CHRM3: variants seen among roughly 807,000 people sequenced by gnomAD.
CHRM3 encodes muscarinic acetylcholine receptor M3.
A neutral mutation model predicts 41.8 loss-of-function variants in CHRM3; 11 were observed. That is an observed-to-expected ratio of 0.26 (90% CI 0.17 to 0.44). The LOEUF is 0.44. Ranked by LOEUF, CHRM3 falls within the 20% of genes least tolerant of loss-of-function variation. The pLI, the probability that CHRM3 is intolerant of heterozygous loss-of-function variation, is 1.00. For synonymous variants in CHRM3, 297 were observed against 301.4 expected (o/e 0.99, Z 0.15); for missense variants, 571 against 745.4 (o/e 0.77, Z 2.72).
rs572260775 is a variant in CHRM3 at position 239,912,028 on chromosome 1, T to C, written c.*2804T>C. On this transcript the variant is annotated 3_prime_UTR_variant, in exon 7 of 7. Transcript: ENST00000676153. Reference sequence around the variant, plus strand: ...ATCCCAAATTGGGAATCGAATTATTTCATGCCATATGCATGAGGTTTGCAG... The same window carrying C: ...ATCCCAAATTGGGAATCGAATTATTCCATGCCATATGCATGAGGTTTGCAG... 6.0e-6 allele frequency: 1 copy of C among 167,240 alleles called. No homozygotes were observed. The highest frequency in any genetic ancestry group is 2.4e-5 in the African/African-American group (1 of 41,590). The allele number at this position is 167,240 out of a possible 1,614,324, so 10.4% of individuals were successfully genotyped here.
At chr1:239,467,364 C>T (rs185495927) in intron 1 of CHRM3, among the ~76,000 whole-genome samples, 93 of 152,138 alleles carry the variant, frequency 6.1e-4, no homozygotes, top group African/African-American at 2.1e-3. Context: ...TGCACTGGTG[C>T]GATCTCAGTT....
At chr1:239,665,956 TA>T (rs1291991058) in intron 4 of CHRM3, among the ~76,000 whole-genome samples, 2 of 152,192 alleles carry the variant, frequency 1.3e-5, no homozygotes, top group African/African-American at 4.8e-5. Flanking sequence ...TTTGCTATTG[TA>T]AATAGTGCTG....
At chr1:239,835,447 G>T (rs879463296) in intron 6 of CHRM3, among the ~76,000 whole-genome samples, 2 of 151,754 alleles carry the variant, frequency 1.3e-5, no homozygotes, top group Non-Finnish European at 2.9e-5. Context: ...GAAAAAGATT[G>T]TTTGGGCAAT....
chr1:239,845,966 G>T (rs1572471891), intron 6 of CHRM3, among the ~76,000 whole-genome samples: 1 of 152,184 alleles, frequency 6.6e-6, no homozygotes, highest in African/African-American at 2.4e-5. Context: ...AGAGTAATTT[G>T]TCAATAGAAG....
At chr1:239,878,418 T>C (rs953282020) in intron 6 of CHRM3, among the ~76,000 whole-genome samples, 2 of 152,022 alleles carry the variant, frequency 1.3e-5, no homozygotes, top group African/African-American at 2.4e-5. Flanking sequence ...GAGGCAGAGC[T>C]CAGGCAGTCA....
At chr1:239,475,547 T>A (rs1666411446) in intron 1 of CHRM3, among the ~76,000 whole-genome samples, 1 of 152,086 alleles carries the variant, frequency 6.6e-6, no homozygotes, top group Admixed American at 6.6e-5. Flanking sequence ...GACAAGTAAA[T>A]CTAATGTAGT....
chr1:239,545,495 A>G (rs1245210562), intron 2 of CHRM3, 146 bp from the exon 3 acceptor site: 1 of 152,208 alleles, frequency 6.6e-6, no homozygotes, highest in Admixed American at 6.5e-5. Flanking sequence ...CAATAGAGGT[A>G]TGTAGGTTAA....
chr1:239,891,003 T>C (rs1002868539), intron 6 of CHRM3, among the ~76,000 whole-genome samples: 1 of 152,194 alleles, frequency 6.6e-6, no homozygotes, highest in African/African-American at 2.4e-5. Flanking sequence ...AGACAAGCCT[T>C]ACAGGATGAA....
chr1:239,776,496 AC>A (rs1464592455), intron 5 of CHRM3, among the ~76,000 whole-genome samples: 70 of 152,240 alleles, frequency 4.6e-4, no homozygotes, highest in African/African-American at 1.5e-3. Flanking sequence ...TAGATGCCAC[AC>A]CCCATATTTT....
intron 4 of CHRM3, among the ~76,000 whole-genome samples, chr1:239,675,446 A>G (rs911167064): frequency 6.6e-6 from 1 of 152,182 alleles, no homozygotes; most frequent in Admixed American, 6.5e-5. Flanking sequence ...TAGTTTGTCA[A>G]GAATTGCAAG....
At chr1:239,460,583 A>C (rs1665282998) in intron 1 of CHRM3, among the ~76,000 whole-genome samples, 1 of 151,896 alleles carries the variant, frequency 6.6e-6, no homozygotes, top group African/African-American at 2.4e-5. Flanking sequence ...AACCCACTAT[A>C]ATTCCTGTCA....
At chr1:239,580,258 TCACACACACACACACACACACACA>T (rs374479816) in intron 3 of CHRM3, among the ~76,000 whole-genome samples, 4 of 132,776 alleles carry the variant, frequency 3.0e-5, no homozygotes, top group African/African-American at 5.6e-5. Context: ...ATACACACTG[TCACACACACACACACACACACACA>T]CACACACACA....
At chr1:239,673,650 C>A (rs1400483725) in intron 4 of CHRM3, among the ~76,000 whole-genome samples, 1 of 151,984 alleles carries the variant, frequency 6.6e-6, no homozygotes, top group African/African-American at 2.4e-5. Flanking sequence ...CCTAGAACAA[C>A]TAATTTCTTT....
chr1:239,402,053 G>T (rs1653902324), intron 1 of CHRM3, among the ~76,000 whole-genome samples: 1 of 152,078 alleles, frequency 6.6e-6, no homozygotes, highest in South Asian at 2.1e-4. Context: ...CAGATCTCAA[G>T]TGTCAAACCC....
chr1:239,465,736 G>C (rs928471476), intron 1 of CHRM3, among the ~76,000 whole-genome samples: 1 of 152,162 alleles, frequency 6.6e-6, no homozygotes, highest in Non-Finnish European at 1.5e-5. Context: ...GAGTGCTAAA[G>C]CCTCCAGTCG....
chr1:239,503,682 T>C (rs1004520961), intron 2 of CHRM3, among the ~76,000 whole-genome samples: 12 of 152,102 alleles, frequency 7.9e-5, no homozygotes, highest in Non-Finnish European at 1.5e-4. Context: ...AAGGCCATAG[T>C]CAACAAAACA....
rs559073947 is a variant in CHRM3 at position 239,762,490 on chromosome 1, C to T, written c.-146-64762C>T. The stretch of plus-strand genomic sequence containing the variant: ...GTCAGTTTAATGAATAGATTAAGTG[C>T]TCCAAGGGTATTTATAACATGTTCA... On this transcript the variant is annotated intron_variant, in intron 5 of 6. Transcript: ENST00000676153. Among the ~76,000 whole-genome samples, 3 of 152,284 alleles carry T rather than the reference C, an allele frequency of 2.0e-5. No homozygotes were observed. In the East Asian group the frequency reaches 5.8e-4, roughly 29 times the overall value.
At chr1:239,435,206 C>CAA (rs1663142076) in intron 1 of CHRM3, among the ~76,000 whole-genome samples, 1 of 152,040 alleles carries the variant, frequency 6.6e-6, no homozygotes, top group African/African-American at 2.4e-5. Context: ...AATCCCAGCA[C>CAA]TTCGGGAGGC....
intron 6 of CHRM3, among the ~76,000 whole-genome samples, chr1:239,881,119 A>C (rs1324832461): frequency 6.6e-6 from 1 of 151,492 alleles, no homozygotes; most frequent in Admixed American, 6.6e-5. Flanking sequence ...CCGTCTCTAC[A>C]AAAAATACAA....
Sources: gnomAD v4.1 joint callset for allele counts (sites outside exome capture counted in the v4.1 genomes callset) on GRCh38, gnomAD v4.1.1 for gene constraint, MANE v1.5 for transcripts, NCBI Gene and HGNC (gene_info 2026-07-23, HGNC 2026-07-21) for gene names.